ZNF469: variants seen among roughly 807,000 people sequenced by gnomAD.
ZNF469 encodes the protein zinc finger protein 469.
A neutral mutation model predicts 1.0 loss-of-function variants in ZNF469; 1 was observed. The ratio of observed to expected loss-of-function variants is 1.00; its 90% confidence interval spans 0.35 to 4.73. The LOEUF (loss-of-function observed/expected upper bound fraction) is 4.73. Among genes scored for constraint, ZNF469 ranks in the 30% most tolerant of loss-of-function variants. The pLI is 0.16. For synonymous variants in ZNF469, 2,703 were observed against 2,363.4 expected (o/e 1.14, Z -4.17); for missense variants, 6,100 against 5,356.3 (o/e 1.14, Z -4.33).
Position 88,431,152 on chromosome 16 carries a change from C to A in ZNF469, c.3682C>A (p.Pro1228Thr). The A allele has an allele frequency of 6.5e-7, 1 of 1,550,326 alleles. No homozygotes were observed. The highest frequency in any genetic ancestry group is 2.4e-5 in the East Asian group (1 of 40,900). Residue 1228 changes from proline to threonine, a missense_variant, in exon 3 of 3, where the codon CCT becomes ACT. Physicochemically the swap from Pro to Thr is conservative, Grantham distance 38. Coordinates refer to ENST00000565624, the MANE Select transcript of ZNF469 (RefSeq NM_001367624.2). ...SLDFPQEAKEPETAEESAPDS... is the reference protein window; with the variant it reads ...SLDFPQEAKETETAEESAPDS... ...GGACTTTCCCCAGGAGGCCAAGGAG[C>A]CTGAAACTGCCGAAGAGTCAGCCCC...
chr16:88,331,816 C>G, the ZNF469 span, among the ~76,000 whole-genome samples: 1 of 151,994 alleles, frequency 6.6e-6, no homozygotes, highest in East Asian at 1.9e-4. Flanking sequence ...TCATCACCAC[C>G]ATCACTATCA....
the ZNF469 span, among the ~76,000 whole-genome samples, chr16:88,159,516 C>A: frequency 6.7e-6 from 1 of 148,962 alleles, no homozygotes; most frequent in Non-Finnish European, 1.5e-5. Context: ...AAGGCCCGGA[C>A]GGATGAGCGC....
At chr16:88,297,620 C>T in the ZNF469 span, among the ~76,000 whole-genome samples, 5,349 of 152,190 alleles carry the variant, frequency 0.035, 219 homozygotes, top group East Asian at 0.17. Flanking sequence ...TGGCAGCTCA[C>T]TCCAGTCTCC....
At chr16:88,207,566 C>G in the ZNF469 span, among the ~76,000 whole-genome samples, 1 of 149,170 alleles carries the variant, frequency 6.7e-6, no homozygotes, top group East Asian at 2.0e-4. Context: ...CAACGAACCA[C>G]AAACCGGGAG....
At chr16:88,239,715 ATTTTT>A in the ZNF469 span, among the ~76,000 whole-genome samples, 105 of 6,674 alleles carry the variant, frequency 0.016, no homozygotes, top group East Asian at 0.08. Context: ...ATATATATAT[ATTTTT>A]TTTTTTTTTT....
At chr16:88,154,196 C>T in the ZNF469 span, among the ~76,000 whole-genome samples, 7 of 152,194 alleles carry the variant, frequency 4.6e-5, no homozygotes, top group South Asian at 2.1e-4. Flanking sequence ...CTAGCTCTGT[C>T]GCCCAGGCTG....
At chr16:88,411,482 AG>A in intron 1 of ZNF469, among the ~76,000 whole-genome samples, 1 of 4,916 alleles carries the variant, frequency 2.0e-4, no homozygotes, top group African/African-American at 3.2e-4. Flanking sequence ...GCAAGCAGGC[AG>A]GGGTGCGAGC....
chr16:88,285,395 C>A, the ZNF469 span, among the ~76,000 whole-genome samples: 2 of 152,214 alleles, frequency 1.3e-5, no homozygotes, highest in Admixed American at 1.3e-4. Flanking sequence ...CCATGGTCAC[C>A]CTGGTGGACG....
intron 1 of ZNF469, among the ~76,000 whole-genome samples, chr16:88,385,590 T>G (rs1220056518): frequency 6.7e-6 from 1 of 149,664 alleles, no homozygotes; most frequent in Non-Finnish European, 1.5e-5. Context: ...CTGCAGTTAA[T>G]GATGATCGTG....
At chr16:88,188,525 G>GC in the ZNF469 span, among the ~76,000 whole-genome samples, 1 of 152,138 alleles carries the variant, frequency 6.6e-6, no homozygotes, top group Non-Finnish European at 1.5e-5. Context: ...CCATGGTCTG[G>GC]CCCCCATGGT....
At chr16:88,239,667 G>GTATA in the ZNF469 span, among the ~76,000 whole-genome samples, 50 of 28,172 alleles carry the variant, frequency 1.8e-3, no homozygotes, top group Non-Finnish European at 2.2e-3. Context: ...TTTTTTTTTT[G>GTATA]TATATATATA....
At chr16:88,397,975 A>T (rs1214490217) in intron 1 of ZNF469, among the ~76,000 whole-genome samples, 1 of 152,164 alleles carries the variant, frequency 6.6e-6, no homozygotes, top group African/African-American at 2.4e-5. Context: ...CCCTGCCCAG[A>T]GCCGGGCACA....
the ZNF469 span, among the ~76,000 whole-genome samples, chr16:88,239,878 T>G: frequency 6.7e-6 from 1 of 148,884 alleles, no homozygotes; most frequent in Non-Finnish European, 1.5e-5. Context: ...CTGTGGTCTC[T>G]TAATGACAGT....
the ZNF469 span, among the ~76,000 whole-genome samples, chr16:88,138,835 T>C: frequency 6.6e-6 from 1 of 152,254 alleles, no homozygotes; most frequent in Non-Finnish European, 1.5e-5. Context: ...GCTGCTACTT[T>C]TCTATGTTGT....
the ZNF469 span, among the ~76,000 whole-genome samples, chr16:88,258,355 C>T: frequency 6.6e-6 from 1 of 152,134 alleles, no homozygotes; most frequent in African/African-American, 2.4e-5. Context: ...AGGAAGGTTC[C>T]TGGAAGGGAG....
the ZNF469 span, among the ~76,000 whole-genome samples, chr16:88,251,051 T>C: frequency 1.3e-5 from 2 of 152,238 alleles, no homozygotes; most frequent in Non-Finnish European, 2.9e-5. Context: ...CTCATTTTTA[T>C]ATTTTCAGTA....
chr16:88,327,506 C>T, the ZNF469 span, among the ~76,000 whole-genome samples: 1 of 152,126 alleles, frequency 6.6e-6, no homozygotes, highest in Non-Finnish European at 1.5e-5. Context: ...TTCCCAGGGC[C>T]AGCTAGGGGC....
the ZNF469 span, among the ~76,000 whole-genome samples, chr16:88,267,430 G>A: frequency 1.9e-3 from 287 of 152,352 alleles, no homozygotes; most frequent in Non-Finnish European, 3.0e-3. Context: ...AGTGCTGTCC[G>A]TTCAGACGTG....
chr16:88,131,691 C>T, the ZNF469 span, among the ~76,000 whole-genome samples: 17 of 152,376 alleles, frequency 1.1e-4, no homozygotes, highest in Middle Eastern at 6.8e-3. Context: ...AGGGAGGGGC[C>T]GCTCGCAGAA....
Sources: gnomAD v4.1 joint callset for allele counts (sites outside exome capture counted in the v4.1 genomes callset) on GRCh38, gnomAD v4.1.1 for gene constraint, MANE v1.5 for transcripts, NCBI Gene and HGNC (gene_info 2026-07-23, HGNC 2026-07-21) for gene names.